ERI1: variants seen among roughly 807,000 people sequenced by gnomAD.
ERI1 encodes exoribonuclease 1.
In ERI1, 39 loss-of-function variants were observed where a neutral mutation model predicts 39.7. That is an observed-to-expected ratio of 0.98 (90% CI 0.76 to 1.28). ERI1 has a LOEUF of 1.28. Among genes scored for constraint, ERI1 ranks in the 50% most tolerant of loss-of-function variants. The pLI, the probability that ERI1 is intolerant of heterozygous loss-of-function variation, is 0.00. For synonymous variants in ERI1, 204 were observed against 149.6 expected (o/e 1.36, Z -2.65); for missense variants, 581 against 416.9 (o/e 1.39, Z -3.43).
intron 2 of ERI1, chr8:9,009,009 C>T (rs1439368321): frequency 1.5e-5 from 7 of 456,058 alleles, no homozygotes; most frequent in African/African-American, 1.4e-4. Flanking sequence ...ACTCCTATTT[C>T]CCCGATTCTT....
chr8:9,040,156 T>A (rs1797970274), intron 3 of ERI1, among the ~76,000 whole-genome samples: 1 of 152,218 alleles, frequency 6.6e-6, no homozygotes, highest in Non-Finnish European at 1.5e-5. Flanking sequence ...CTTTTTGCTG[T>A]TGGGGCCTCC....
At chr8:9,019,858 C>G (rs1303130771) in intron 5 of ERI1, among the ~76,000 whole-genome samples, 1 of 152,158 alleles carries the variant, frequency 6.6e-6, no homozygotes, top group Non-Finnish European at 1.5e-5. Context: ...TAGGAACCAA[C>G]ACAATTTCCA....
intron 3 of ERI1, among the ~76,000 whole-genome samples, chr8:9,039,993 T>G (rs901150909): frequency 1.3e-4 from 20 of 152,360 alleles, no homozygotes; most frequent in African/African-American, 4.6e-4. Flanking sequence ...ATTAAAATAT[T>G]CAGCATCACT....
chr8:9,004,304 G>T (rs921519520), intron 1 of ERI1: 3 of 1,111,374 alleles, frequency 2.7e-6, no homozygotes, highest in Non-Finnish European at 2.2e-6. Context: ...CCTGTAAGTG[G>T]GTTTTAAAAT....
downstream of ERI1, among the ~76,000 whole-genome samples, chr8:9,037,042 G>A (rs905826233): frequency 6.6e-6 from 1 of 152,042 alleles, no homozygotes; most frequent in Admixed American, 6.5e-5. Context: ...ACAGACTATT[G>A]CTAAAATTTA....
chr8:9,020,612 G>C lies in ERI1; in HGVS notation c.807+148G>C. On this transcript the variant is annotated intron_variant, in intron 6 of 6. Coordinates refer to ENST00000250263, the MANE Select transcript of ERI1 (RefSeq NM_153332.4). ...ACTCTTCAGATTCCAAATTCCTTAT[G>C]TTCAAATTAGATAAGCCTTTTTCTC... 2.0e-5 allele frequency: 11 copies of C among 562,432 alleles called. 1 individual carries two copies. In the South Asian group the frequency reaches 2.7e-4, roughly 14 times the overall value. 34.8% of individuals were successfully genotyped at this position (562,432 alleles called of 1,614,324 possible). A position where few individuals can be genotyped will look rare whatever the true frequency, so the allele number is the denominator to read the frequency against.
rs549833300 is a variant in ERI1 at position 9,052,822 on chromosome 8, C to T, written n.299+32358C>T. 5.9e-5 allele frequency among the ~76,000 whole-genome samples: 9 copies of T among 152,228 alleles called. No homozygotes were observed. In the East Asian group the frequency reaches 1.7e-3, roughly 29 times the overall value. Reference sequence around the variant, plus strand: ...ATACATGAATCCTTTCTGATCATAACTAAGTTTATGCTATTGAGGTGAATC... The same window carrying T: ...ATACATGAATCCTTTCTGATCATAATTAAGTTTATGCTATTGAGGTGAATC... On this transcript the variant is annotated intron_variant and non_coding_transcript_variant, in intron 3 of 3. Coordinates refer to the ERI1 transcript ENST00000518663.
intron 3 of ERI1, among the ~76,000 whole-genome samples, chr8:9,060,301 A>C (rs1472098260): frequency 6.6e-6 from 1 of 152,156 alleles, no homozygotes; most frequent in Non-Finnish European, 1.5e-5. Context: ...ACCCTGTGAG[A>C]AAGACCTCTA....
chr8:9,087,973 A>G (rs545833645), intron 3 of ERI1, among the ~76,000 whole-genome samples: 1 of 152,362 alleles, frequency 6.6e-6, no homozygotes, highest in African/African-American at 2.4e-5. Flanking sequence ...CCAGTTGATC[A>G]TCACATTCCT....
intron 3 of ERI1, among the ~76,000 whole-genome samples, chr8:9,013,984 G>A (rs771290223): frequency 2.0e-5 from 3 of 152,054 alleles, no homozygotes; most frequent in South Asian, 2.1e-4. Flanking sequence ...GTCTGTGTCC[G>A]CCTACAACCA....
chr8:9,087,340 G>A (rs1799561613), intron 3 of ERI1, among the ~76,000 whole-genome samples: 1 of 151,586 alleles, frequency 6.6e-6, no homozygotes, highest in Admixed American at 6.6e-5. Context: ...CCGCCTCCCG[G>A]GTTGAAGCCA....
At chr8:9,056,457 T>C (rs895364484) in intron 3 of ERI1, among the ~76,000 whole-genome samples, 3 of 152,260 alleles carry the variant, frequency 2.0e-5, no homozygotes, top group African/African-American at 7.2e-5. Flanking sequence ...CATGTTCTTA[T>C]GGCCAGTCAT....
At chr8:9,049,230 G>A (rs1798274442) in intron 3 of ERI1, among the ~76,000 whole-genome samples, 3 of 148,926 alleles carry the variant, frequency 2.0e-5, no homozygotes, top group African/African-American at 7.4e-5. Flanking sequence ...CAGCTACTCA[G>A]GAGACTGAGG....
At chr8:9,009,922 G>C (rs1816486863) in intron 2 of ERI1, among the ~76,000 whole-genome samples, 1 of 152,216 alleles carries the variant, frequency 6.6e-6, no homozygotes, top group Non-Finnish European at 1.5e-5. Context: ...TTGTAGCCAA[G>C]TTGTGAAGGA....
At chr8:9,061,331 C>T (rs188992867) in intron 3 of ERI1, among the ~76,000 whole-genome samples, 134 of 152,078 alleles carry the variant, frequency 8.8e-4, no homozygotes, top group Non-Finnish European at 1.0e-3. Flanking sequence ...GATTGAAGTC[C>T]GGGCCAGGAA....
At chr8:9,012,172 C>G (rs531659011) in intron 3 of ERI1, among the ~76,000 whole-genome samples, 3 of 152,148 alleles carry the variant, frequency 2.0e-5, no homozygotes, top group Non-Finnish European at 4.4e-5. Flanking sequence ...TTGATAACCA[C>G]CACTGTGGCC....
chr8:9,052,569 C>T (rs1006229961), intron 3 of ERI1, among the ~76,000 whole-genome samples: 1 of 152,086 alleles, frequency 6.6e-6, no homozygotes, highest in African/African-American at 2.4e-5. Context: ...TAGGTGCACA[C>T]GTATGAAGGG....
intron 3 of ERI1, among the ~76,000 whole-genome samples, chr8:9,063,269 T>G (rs1585274089): frequency 6.6e-6 from 1 of 152,160 alleles, no homozygotes; most frequent in Non-Finnish European, 1.5e-5. Flanking sequence ...TGGGCTGGGT[T>G]TTTTATATTT....
intron 1 of ERI1, among the ~76,000 whole-genome samples, chr8:9,005,537 G>C (rs59635029): frequency 0.032 from 4,592 of 144,144 alleles, 257 homozygotes; most frequent in African/African-American, 0.11. Flanking sequence ...TTTTTTGAGA[G>C]GGAGTCTCTC....
Sources: allele counts gnomAD v4.1 joint callset (sites outside exome capture counted in the v4.1 genomes callset), GRCh38; gene constraint gnomAD v4.1.1; transcripts MANE v1.5; gene names NCBI Gene and HGNC (gene_info 2026-07-23, HGNC 2026-07-21).